TBC1D16: variants seen among roughly 807,000 people sequenced by gnomAD.
The protein encoded by TBC1D16 is CTD-2529O21.1.
A neutral mutation model predicts 74.7 loss-of-function variants in TBC1D16; 58 were observed. The observed-to-expected ratio is 0.78, with a 90% CI of 0.63 to 0.97. The LOEUF is 0.97. TBC1D16 is among the 50% of genes least tolerant of loss of function. TBC1D16 has a pLI of 0.00. For missense variants in TBC1D16, 1,014 were observed against 1,079.5 expected, an observed-to-expected ratio of 0.94 and a Z score of 0.85; for synonymous variants, 493 against 474.7, an observed-to-expected ratio of 1.04 and a Z score of -0.50.
Position 79,941,529 on chromosome 17 carries a change from G to A in TBC1D16, c.2056-422C>T, listed in dbSNP as rs1038563581. 6.6e-6 allele frequency among the ~76,000 whole-genome samples: 1 copy of A among 151,942 alleles called. No homozygotes were observed. The highest frequency in any genetic ancestry group is 1.5e-5 in the Non-Finnish European group (1 of 67,976). On this transcript the variant is annotated intron_variant, in intron 11 of 11. Coordinates refer to ENST00000310924, the MANE Select transcript of TBC1D16 (RefSeq NM_019020.4). This position sits in a 1 kb window ranked among gnomAD's most constrained non-coding sequence, Gnocchi z 4.3. Reference sequence around the variant, plus strand: ...CAGCCTCTCAGCTCCTGCAGGATCTGTGTCCTGTGCCAGAGGACACCACCG... The same window carrying A: ...CAGCCTCTCAGCTCCTGCAGGATCTATGTCCTGTGCCAGAGGACACCACCG...
intron 1 of TBC1D16, among the ~76,000 whole-genome samples, chr17:80,017,813 G>C (rs1465439364): frequency 6.6e-6 from 1 of 152,008 alleles, no homozygotes; most frequent in African/African-American, 2.4e-5. Context: ...CCAAATCCAG[G>C]GGATTCTTCT....
chr17:79,951,504 C>T lies in TBC1D16; in HGVS notation c.1035G>A (p.Leu345=). ...ATTTCCACTGCTGGAACACGTCAGA[C>T]AGCTTGTCCAGGCCGCCGTGGTGGA... ...FHFHHGGLDK[L]SDVFQQWKYC... Residue 345 remains leucine, a synonymous_variant, in exon 5 of 12, where the codon CTG becomes CTA. Transcript: ENST00000310924. 6.2e-7 allele frequency: 1 copy of T among 1,614,114 alleles called. No homozygotes were observed.
rs766707775 is a variant in TBC1D16, at chr17:79,949,019, G to C, written c.1407-13C>G. The C allele has an allele frequency of 4.3e-6, 7 of 1,613,786 alleles. No individual in the cohort carries two copies. Among genetic ancestry groups the C allele is most frequent in the Admixed American group, 1.7e-5 (1 of 60,034 alleles). On this transcript the variant is annotated splice_polypyrimidine_tract_variant and intron_variant, in intron 7 of 11. Transcript: ENST00000310924. ...AGTCATGGAGAGCCTGTGTGGAGCC[G>C]AGCACCCAGCCGGGGTCAGCGGGTG... is the stretch of plus-strand genomic sequence containing the variant.
chr17:80,030,786 G>C (rs1187457261), intron 1 of TBC1D16, among the ~76,000 whole-genome samples: 1 of 151,990 alleles, frequency 6.6e-6, no homozygotes, highest in Non-Finnish European at 1.5e-5. Flanking sequence ...CAGGCAGGGT[G>C]TGGGGGCCAC....
intron 3 of TBC1D16, among the ~76,000 whole-genome samples, chr17:79,998,981 C>T (rs888474358): frequency 5.3e-5 from 8 of 152,082 alleles, no homozygotes; most frequent in South Asian, 2.1e-4. Flanking sequence ...TGGGGCTGGG[C>T]GCGGTGGCTC....
chr17:80,025,571 TGGG>T (rs1568650700), intron 1 of TBC1D16, among the ~76,000 whole-genome samples: 2 of 149,366 alleles, frequency 1.3e-5, no homozygotes, highest in South Asian at 2.1e-4. Flanking sequence ...GCCCGCCTGC[TGGG>T]AGCAGCCGCC....
Position 79,979,069 on chromosome 17 carries a change from A to G in TBC1D16, c.780-26251T>C, listed in dbSNP as rs566353723. On this transcript the variant is annotated intron_variant, in intron 3 of 11. Transcript: ENST00000310924. The surrounding 1 kb of genome is among the most constrained non-coding windows in gnomAD (Gnocchi z 4.8). ...ATTTTATAGGAGCTTAACGTGGGCA[A>G]ACCAATGAGATGATTCTAAACCAAA... Among the ~76,000 whole-genome samples the G allele has an allele frequency of 6.6e-6, 1 of 152,364 alleles. No homozygotes were observed. Among genetic ancestry groups the G allele is most frequent in the African/African-American group, 2.4e-5 (1 of 41,590 alleles).
chr17:79,968,669 T>C (rs866247764), intron 3 of TBC1D16, among the ~76,000 whole-genome samples: 12 of 151,494 alleles, frequency 7.9e-5, no homozygotes, highest in African/African-American at 2.9e-4. Context: ...CTGGCTAACA[T>C]AGTGAAATCT....
chr17:79,942,024 G>T, intron 11 of TBC1D16, 36 bp downstream of exon 11: 1 of 1,559,270 alleles, frequency 6.4e-7, no homozygotes, highest in South Asian at 1.2e-5. Flanking sequence ...CTTTGGGGGC[G>T]GGGCGGGGTG....
intron 4 of TBC1D16, 56 bp from the exon 5 acceptor site, chr17:79,951,653 G>T: frequency 6.3e-7 from 1 of 1,580,650 alleles, no homozygotes; most frequent in Non-Finnish European, 8.6e-7. Flanking sequence ...AAACACGGGG[G>T]TTTTATTTCC....
At position 79,938,455 on chromosome 17, in the gene TBC1D16, C is replaced by T. The variant is rs1264260131; in HGVS notation, c.*2404G>A. ...CCAGGAGACTCAGAAGGAATGCCTT[C>T]TACTAGGACCTTCCCAAGTGAGGGG... On this transcript the variant is annotated 3_prime_UTR_variant, in exon 12 of 12. Transcript: ENST00000310924. 1 of 152,306 alleles carries T rather than the reference C, an allele frequency of 6.6e-6. No individual in the cohort carries two copies. Among genetic ancestry groups the T allele is most frequent in the East Asian group, 1.9e-4 (1 of 5,202 alleles). The allele number at this position is 152,306 out of a possible 1,614,324, so 9.4% of individuals were successfully genotyped here.
At chr17:79,960,806 A>AAAAAAAAAG (rs2033572874) in intron 3 of TBC1D16, among the ~76,000 whole-genome samples, 1 of 144,794 alleles carries the variant, frequency 6.9e-6, no homozygotes, top group Non-Finnish European at 1.5e-5. Context: ...AAAAAAAAAA[A>AAAAAAAAAG]AAACGAAGGA....
intron 3 of TBC1D16, among the ~76,000 whole-genome samples, chr17:79,982,330 G>C (rs1047717605): frequency 4.0e-5 from 6 of 151,338 alleles, no homozygotes; most frequent in African/African-American, 1.5e-4. Flanking sequence ...ATTTTTGGTA[G>C]AGACGGGGTT....
chr17:79,951,514 A>G lies in TBC1D16; in HGVS notation c.1025T>C (p.Leu342Pro), dbSNP rs758469328. The G allele has an allele frequency of 6.2e-7, 1 of 1,613,898 alleles. No individual in the cohort carries two copies. Among genetic ancestry groups the G allele is most frequent in the Non-Finnish European group, 8.5e-7 (1 of 1,179,950 alleles). ...CTGGAACACGTCAGACAGCTTGTCCAGGCCGCCGTGGTGGAAGTGGAAAAC... is the reference window on the plus strand; with the variant it reads ...CTGGAACACGTCAGACAGCTTGTCCGGGCCGCCGTGGTGGAAGTGGAAAAC... ...YKVFHFHHGG[L>P]DKLSDVFQQW... Residue 342 changes from leucine to proline, a missense_variant, in exon 5 of 12, where the codon CTG becomes CCG. By Grantham distance (98) the Leu-to-Pro change is moderately conservative. Transcript: ENST00000310924.
rs369057011 is a variant in TBC1D16, at chr17:79,947,841, G to C, written c.1542-10C>G. The C allele has an allele frequency of 3.0e-5, 49 of 1,610,992 alleles. No individual in the cohort carries two copies. In the Admixed American group the frequency reaches 7.7e-4, roughly 25 times the overall value. On this transcript the variant is annotated splice_polypyrimidine_tract_variant and intron_variant, in intron 8 of 11. Transcript: ENST00000310924. Reference sequence around the variant, plus strand: ...GTTCAGCAGGATCCTCCTGGGAGGCGGTGGAGACAGCAGTGGGTGGGGATG... The same window carrying C: ...GTTCAGCAGGATCCTCCTGGGAGGCCGTGGAGACAGCAGTGGGTGGGGATG...
chr17:80,004,557 C>T (rs565912641), intron 3 of TBC1D16, among the ~76,000 whole-genome samples: 18 of 152,312 alleles, frequency 1.2e-4, no homozygotes, highest in Middle Eastern at 3.4e-3. Context: ...AACAGAGGGA[C>T]CTTAGAGGGA....
At chr17:80,026,518 G>T (rs543214835) in intron 1 of TBC1D16, among the ~76,000 whole-genome samples, 1 of 149,834 alleles carries the variant, frequency 6.7e-6, no homozygotes, top group Non-Finnish European at 1.5e-5. Flanking sequence ...ATCCAAAGAG[G>T]TGTGGAGGAG....
At chr17:80,002,506 C>T (rs2035528868) in intron 3 of TBC1D16, among the ~76,000 whole-genome samples, 1 of 152,226 alleles carries the variant, frequency 6.6e-6, no homozygotes, top group Admixed American at 6.5e-5. Context: ...ACCCTTGTGC[C>T]ATCGCCCCCA....
intron 2 of TBC1D16, among the ~76,000 whole-genome samples, chr17:80,011,519 T>A (rs1275720031): frequency 6.6e-6 from 1 of 152,136 alleles, no homozygotes; most frequent in Non-Finnish European, 1.5e-5. Context: ...GGAGACTTCA[T>A]TCTGTTTCAC....
Sources: gnomAD v4.1 joint callset for allele counts (sites outside exome capture counted in the v4.1 genomes callset) on GRCh38, gnomAD v4.1.1 for gene constraint, Gnocchi (gnomAD v3.1) non-coding constraint, MANE v1.5 for transcripts, NCBI Gene and HGNC (gene_info 2026-07-23, HGNC 2026-07-21) for gene names.